SCP2: variants seen among roughly 807,000 people sequenced by gnomAD.
The protein encoded by SCP2 is SCP-2/3-oxoacyl-CoA thiolase.
A neutral mutation model predicts 71.4 loss-of-function variants in SCP2; 48 were observed. That is an observed-to-expected ratio of 0.67 (90% CI 0.53 to 0.86). The LOEUF (loss-of-function observed/expected upper bound fraction) is 0.86, where lower values mean the gene tolerates loss of function less well. SCP2 is among the 40% of genes least tolerant of loss of function. SCP2 has a pLI of 0.00. For synonymous variants in SCP2, 220 were observed against 218.1 expected (o/e 1.01, Z -0.08); for missense variants, 560 against 655.6 (o/e 0.85, Z 1.59).
chr1:52,970,567 T>G (rs868270833), intron 6 of SCP2, among the ~76,000 whole-genome samples: 1 of 152,122 alleles, frequency 6.6e-6, no homozygotes, highest in African/African-American at 2.4e-5. Flanking sequence ...AACTTATACC[T>G]TTAAGATTCC....
At chr1:52,933,718 A>C (rs1653385549) in intron 1 of SCP2, among the ~76,000 whole-genome samples, 4 of 152,224 alleles carry the variant, frequency 2.6e-5, no homozygotes. Flanking sequence ...CTGCCAATGA[A>C]TTGATCTAGC....
At chr1:53,007,346 A>C (rs1660702275) in intron 11 of SCP2, among the ~76,000 whole-genome samples, 1 of 152,188 alleles carries the variant, frequency 6.6e-6, no homozygotes, top group Admixed American at 6.5e-5. Flanking sequence ...ACCACATCAC[A>C]CTTATTCCAA....
At chr1:53,007,796 A>T (rs1660725222) in intron 11 of SCP2, among the ~76,000 whole-genome samples, 3 of 152,196 alleles carry the variant, frequency 2.0e-5, no homozygotes, top group African/African-American at 7.2e-5. Context: ...ACTGAAGGGG[A>T]TAGAGACACA....
At chr1:53,019,341 A>G (rs1191502155) in intron 12 of SCP2, among the ~76,000 whole-genome samples, 1 of 152,208 alleles carries the variant, frequency 6.6e-6, no homozygotes, top group East Asian at 1.9e-4. Flanking sequence ...ATTTATTCAT[A>G]TATTTATATA....
At chr1:53,024,866 C>A (rs1213559415) in intron 12 of SCP2, among the ~76,000 whole-genome samples, 2 of 152,062 alleles carry the variant, frequency 1.3e-5, no homozygotes, top group Non-Finnish European at 2.9e-5. Flanking sequence ...GCTACCACGC[C>A]TGCCCAGAAA....
In SCP2 at chr1:52,981,506, G is replaced by A. The variant is rs536486941; in HGVS notation, c.973+963G>A. Among the ~76,000 whole-genome samples, 35 of 149,348 alleles carry A rather than the reference G, an allele frequency of 2.3e-4. No individual in the cohort carries two copies. The East Asian group carries it at 5.7e-3, about 24-fold the overall frequency. On this transcript the variant is annotated intron_variant, in intron 10 of 15. Transcript: ENST00000371514. Reference sequence around the variant, plus strand: ...GGCTGGAGTGCAATGGTGTGATCTCGGCTCATTGCAACTTCTGCCTCCTGG... The same window carrying A: ...GGCTGGAGTGCAATGGTGTGATCTCAGCTCATTGCAACTTCTGCCTCCTGG...
intron 13 of SCP2, among the ~76,000 whole-genome samples, chr1:53,036,091 C>A (rs1572220146): frequency 6.8e-6 from 1 of 146,442 alleles, no homozygotes; most frequent in Admixed American, 6.8e-5. Context: ...TAACAATCAA[C>A]AGGATATTGG....
intron 5 of SCP2, among the ~76,000 whole-genome samples, chr1:52,955,902 T>A (rs1374856428): frequency 6.6e-6 from 1 of 150,750 alleles, no homozygotes; most frequent in East Asian, 1.9e-4. Context: ...TTGTTATGTT[T>A]AGAGAAATAA....
At chr1:52,971,268 T>G (rs1385322556) in intron 6 of SCP2, among the ~76,000 whole-genome samples, 1 of 152,046 alleles carries the variant, frequency 6.6e-6, no homozygotes, top group Non-Finnish European at 1.5e-5. Flanking sequence ...GAGCCACCGC[T>G]CCCGGCCGAG....
chr1:52,989,054 G>T (rs897999240), intron 11 of SCP2, among the ~76,000 whole-genome samples: 1 of 147,502 alleles, frequency 6.8e-6, no homozygotes, highest in African/African-American at 2.7e-5. Flanking sequence ...TGTATATAAC[G>T]TAAGATTTTT....
chr1:52,941,251 C>G (rs1350327189), intron 1 of SCP2, among the ~76,000 whole-genome samples: 2 of 152,174 alleles, frequency 1.3e-5, no homozygotes, highest in Non-Finnish European at 2.9e-5. Context: ...CTTTTCCTCC[C>G]TCCAAGTCTG....
chr1:52,983,662 C>T (rs1658719762), intron 10 of SCP2, among the ~76,000 whole-genome samples: 1 of 152,112 alleles, frequency 6.6e-6, no homozygotes, highest in African/African-American at 2.4e-5. Context: ...CCATTTGGTT[C>T]ATTTTATAGT....
chr1:53,034,509 A>G (rs2150254857), intron 13 of SCP2, among the ~76,000 whole-genome samples: 1 of 152,292 alleles, frequency 6.6e-6, no homozygotes, highest in South Asian at 2.1e-4. Flanking sequence ...GTTAATGAGA[A>G]TGCTCTAAAA....
At chr1:52,946,346 A>G (rs1016474190) in intron 2 of SCP2, among the ~76,000 whole-genome samples, 3 of 151,852 alleles carry the variant, frequency 2.0e-5, no homozygotes, top group Admixed American at 2.0e-4. Context: ...CTCTCTCTTC[A>G]GCTTCCCAAG....
chr1:52,962,687 G>A (rs1361261724), intron 6 of SCP2, among the ~76,000 whole-genome samples: 1 of 151,780 alleles, frequency 6.6e-6, no homozygotes, highest in African/African-American at 2.4e-5. Flanking sequence ...TTTTCTTCAG[G>A]TAGGGCCTTA....
chr1:52,963,232 A>G (rs926988290), intron 6 of SCP2, among the ~76,000 whole-genome samples: 9 of 152,178 alleles, frequency 5.9e-5, no homozygotes, highest in Admixed American at 2.0e-4. Context: ...TATATTTATC[A>G]TATGTGATTT....
At chr1:53,018,740 C>CAAA (rs1184206730) in intron 12 of SCP2, among the ~76,000 whole-genome samples, 1 of 114,304 alleles carries the variant, frequency 8.7e-6, no homozygotes, top group African/African-American at 3.1e-5. Context: ...GACTCTGTTT[C>CAAA]AAAAAAAAAA....
At position 52,987,015 on chromosome 1, in the gene SCP2, T is replaced by A. The variant is rs868345771; in HGVS notation, c.974-1014T>A. 5.2e-3 allele frequency among the ~76,000 whole-genome samples: 757 copies of A among 144,668 alleles called. 4 individuals are homozygous for A. The highest frequency in any genetic ancestry group is 0.015 in the African/African-American group (594 of 39,788). 94.9% of individuals were successfully genotyped at this position (144,668 alleles called of 152,430 possible). On this transcript the variant is annotated intron_variant, in intron 10 of 15. Coordinates refer to ENST00000371514, the MANE Select transcript of SCP2 (RefSeq NM_002979.5). ...ATATATATATATATATATTTTTTTT[T>A]TTTTTTTTTTGAGACAGAGTTTTGC...
chr1:52,979,898 C>T (rs771305302), intron 9 of SCP2, among the ~76,000 whole-genome samples: 11 of 146,480 alleles, frequency 7.5e-5, no homozygotes, highest in Non-Finnish European at 1.1e-4. Context: ...TTCCCTCCCT[C>T]CCTCCCTTCC....
Sources: gnomAD v4.1 joint callset for allele counts (sites outside exome capture counted in the v4.1 genomes callset) on GRCh38, gnomAD v4.1.1 for gene constraint, MANE v1.5 for transcripts, NCBI Gene and HGNC (gene_info 2026-07-23, HGNC 2026-07-21) for gene names.